The following MACROD2 variants were observed in gnomAD, a reference collection of about 807,000 sequenced individuals.
MACROD2 encodes the protein mono-ADP ribosylhydrolase 2.
Under a neutral mutation model 70.4 loss-of-function variants are expected in MACROD2, and 36 were observed. That is an observed-to-expected ratio of 0.51 (90% CI 0.39 to 0.68). The LOEUF is 0.68. Ranked by LOEUF, MACROD2 falls within the 30% of genes least tolerant of loss-of-function variation. MACROD2 has a pLI of 0.00. For missense variants in MACROD2, 496 were observed against 538.4 expected, an observed-to-expected ratio of 0.92 and a Z score of 0.78; for synonymous variants, 172 against 178.8, an observed-to-expected ratio of 0.96 and a Z score of 0.30.
chr20:15,842,521 T>G (rs1051729186), intron 8 of MACROD2, among the ~76,000 whole-genome samples: 4 of 147,742 alleles, frequency 2.7e-5, no homozygotes, highest in African/African-American at 1.0e-4. Flanking sequence ...TAATGTTAAT[T>G]TGCTTCTTCT....
chr20:14,632,984 A>G (rs969636593), intron 4 of MACROD2, among the ~76,000 whole-genome samples: 4 of 152,226 alleles, frequency 2.6e-5, no homozygotes, highest in African/African-American at 7.2e-5. Context: ...TTTTTCTCTC[A>G]CTGTTCTGGA....
Position 14,607,082 on chromosome 20 carries a change from C to T in MACROD2, c.302-77761C>T, listed in dbSNP as rs373182877. Among the ~76,000 whole-genome samples the T allele has an allele frequency of 3.9e-5, 6 of 152,194 alleles. No homozygotes were observed. The South Asian group carries it at 1.0e-3, about 26-fold the overall frequency. ...TCTTAATGTCATCTTTTGACTTTTA[C>T]GCCATGTTTTGGTAAACTGAATTTC... On this transcript the variant is annotated intron_variant, in intron 4 of 17. Coordinates refer to ENST00000684519, the MANE Select transcript of MACROD2 (RefSeq NM_001351661.2).
At position 15,398,625 on chromosome 20, in the gene MACROD2, A is replaced by T. The variant is rs1040792200; in HGVS notation, c.541-32780A>T. On this transcript the variant is annotated intron_variant, in intron 6 of 17. Coordinates refer to ENST00000684519, the MANE Select transcript of MACROD2 (RefSeq NM_001351661.2). ...CAGTTTTCTCACAATTCCAGAGTTA[A>T]GTTATTCAGGGTTGGTATGGCTCAT... is the stretch of plus-strand genomic sequence containing the variant. Among the ~76,000 whole-genome samples the T allele has an allele frequency of 4.6e-5, 7 of 152,204 alleles. 1 individual carries two copies. Among genetic ancestry groups the T allele is most frequent in the African/African-American group, 1.7e-4 (7 of 41,446 alleles).
chr20:14,823,542 A>G (rs1015165297), intron 5 of MACROD2, among the ~76,000 whole-genome samples: 7 of 152,090 alleles, frequency 4.6e-5, no homozygotes, highest in Admixed American at 3.9e-4. Context: ...GACTGCTGCT[A>G]GATTACCAGC....
At chr20:14,156,712 G>A (rs1381355121) in intron 3 of MACROD2, among the ~76,000 whole-genome samples, 2 of 152,100 alleles carry the variant, frequency 1.3e-5, no homozygotes, top group African/African-American at 4.8e-5. Flanking sequence ...TAACCTTTGC[G>A]TAATTTCTGC....
At chr20:15,407,570 G>A (rs893562560) in intron 6 of MACROD2, among the ~76,000 whole-genome samples, 5 of 152,144 alleles carry the variant, frequency 3.3e-5, no homozygotes, top group African/African-American at 7.2e-5. Context: ...GGGTAGAGAG[G>A]CAGCCTAGCA....
chr20:15,317,456 A>T (rs556155453), intron 6 of MACROD2, among the ~76,000 whole-genome samples: 5 of 151,670 alleles, frequency 3.3e-5, no homozygotes, highest in African/African-American at 1.2e-4. Flanking sequence ...AGCTAAGAAG[A>T]TATCTATATC....
intron 3 of MACROD2, among the ~76,000 whole-genome samples, chr20:14,351,114 G>C: frequency 6.6e-6 from 1 of 152,176 alleles, no homozygotes; most frequent in African/African-American, 2.4e-5. Context: ...CTATGTGTCT[G>C]TTTTTATGCC....
intron 6 of MACROD2, among the ~76,000 whole-genome samples, chr20:15,426,424 A>T (rs1011009441): frequency 6.6e-6 from 1 of 150,580 alleles, no homozygotes; most frequent in African/African-American, 2.5e-5. Flanking sequence ...GGCTCACTGC[A>T]GCCTCAACAT....
chr20:15,411,913 G>A (rs2046084046), intron 6 of MACROD2, among the ~76,000 whole-genome samples: 1 of 152,202 alleles, frequency 6.6e-6, no homozygotes, highest in Non-Finnish European at 1.5e-5. Flanking sequence ...GGAATCATGG[G>A]AGTGGGTGTT....
chr20:15,900,941 G>A (rs185934201), intron 10 of MACROD2, among the ~76,000 whole-genome samples: 7 of 152,234 alleles, frequency 4.6e-5, no homozygotes, highest in South Asian at 4.2e-4. Context: ...GGAAAACACC[G>A]GGCACATTGA....
chr20:14,645,813 C>G (rs906398415), intron 4 of MACROD2, among the ~76,000 whole-genome samples: 1 of 151,896 alleles, frequency 6.6e-6, no homozygotes, highest in Non-Finnish European at 1.5e-5. Flanking sequence ...ACAGAGAGAT[C>G]ACATTCTCTC....
intron 15 of MACROD2, among the ~76,000 whole-genome samples, chr20:16,029,930 C>T (rs746020854): frequency 1.8e-4 from 28 of 152,140 alleles, no homozygotes; most frequent in Non-Finnish European, 5.9e-5. Flanking sequence ...AGGTCTCTGG[C>T]GTGAACAAGA....
At chr20:14,901,983 T>A (rs1267509490) in intron 5 of MACROD2, among the ~76,000 whole-genome samples, 14 of 152,286 alleles carry the variant, frequency 9.2e-5, no homozygotes, top group Non-Finnish European at 1.5e-5. Context: ...GTATAAAATT[T>A]ATACAGTGGA....
intron 6 of MACROD2, among the ~76,000 whole-genome samples, chr20:15,242,683 T>C (rs1047407468): frequency 1.1e-4 from 16 of 152,222 alleles, no homozygotes; most frequent in Admixed American, 4.6e-4. Flanking sequence ...ATCTAATAAA[T>C]GACCAAGAAA....
intron 8 of MACROD2, among the ~76,000 whole-genome samples, chr20:15,537,270 G>T (rs1172132916): frequency 6.6e-6 from 1 of 152,002 alleles, no homozygotes; most frequent in African/African-American, 2.4e-5. Context: ...TCATGGTTGT[G>T]AAGCCTCCCC....
At chr20:15,855,499 G>C (rs917471757) in intron 8 of MACROD2, among the ~76,000 whole-genome samples, 1 of 152,126 alleles carries the variant, frequency 6.6e-6, no homozygotes, top group African/African-American at 2.4e-5. Context: ...GACCAAGAGA[G>C]CTGTAACATA....
At chr20:14,120,410 T>G (rs998156702) in intron 3 of MACROD2, among the ~76,000 whole-genome samples, 8 of 152,032 alleles carry the variant, frequency 5.3e-5, no homozygotes, top group Non-Finnish European at 1.2e-4. Context: ...AGGAACACTT[T>G]TAATCTGTTA....
intron 6 of MACROD2, among the ~76,000 whole-genome samples, chr20:15,232,137 G>A (rs76166911): frequency 0.032 from 4,777 of 151,620 alleles, 249 homozygotes; most frequent in African/African-American, 0.11. Context: ...TATATGGTGT[G>A]TCATGTTCTT....
Sources: allele counts gnomAD v4.1 joint callset (sites outside exome capture counted in the v4.1 genomes callset), GRCh38; gene constraint gnomAD v4.1.1; transcripts MANE v1.5; gene names NCBI Gene and HGNC (gene_info 2026-07-23, HGNC 2026-07-21).